The following SLC25A21 variants were observed in gnomAD, a reference collection of about 807,000 sequenced individuals.
SLC25A21 encodes mitochondrial 2-oxodicarboxylate carrier.
In SLC25A21, 47 loss-of-function variants were observed where a neutral mutation model predicts 43.8. That is an observed-to-expected ratio of 1.07 (90% confidence interval 0.85 to 1.37). SLC25A21 has a LOEUF of 1.37. SLC25A21 is among the 40% of genes most tolerant of loss of function. The pLI is 0.00. For missense variants in SLC25A21, 352 were observed against 350.2 expected, an observed-to-expected ratio of 1.00 and a Z score of -0.04; for synonymous variants, 131 against 121.3, an observed-to-expected ratio of 1.08 and a Z score of -0.52.
intron 1 of SLC25A21, among the ~76,000 whole-genome samples, chr14:37,043,910 T>G (rs1252981563): frequency 6.7e-6 from 1 of 149,628 alleles, no homozygotes; most frequent in East Asian, 2.0e-4. Flanking sequence ...ACATTTTTTG[T>G]TTTTTGTTTT....
At chr14:37,132,907 T>A (rs1305656730) in intron 1 of SLC25A21, among the ~76,000 whole-genome samples, 1 of 151,910 alleles carries the variant, frequency 6.6e-6, no homozygotes, top group South Asian at 2.1e-4. Context: ...ATTTTTGTAT[T>A]TTTTTAGAGA....
Position 37,041,164 on chromosome 14 carries a change from T to C in SLC25A21, c.70+131117A>G, listed in dbSNP as rs927873441. Among the ~76,000 whole-genome samples the C allele has an allele frequency of 1.7e-4, 26 of 152,176 alleles. 1 individual carries two copies. Among genetic ancestry groups the C allele is most frequent in the African/African-American group, 5.8e-4 (24 of 41,440 alleles). On this transcript the variant is annotated intron_variant, in intron 1 of 9. Coordinates refer to ENST00000331299, the MANE Select transcript of SLC25A21 (RefSeq NM_030631.4). ...TAGCTCATATATCTTATCATATATT[T>C]AATTTTACTCCTTAATTTGTTTGCA...
chr14:36,885,465 A>C (rs1015246817), intron 1 of SLC25A21, among the ~76,000 whole-genome samples: 1 of 152,172 alleles, frequency 6.6e-6, no homozygotes, highest in Non-Finnish European at 1.5e-5. Context: ...GTTCCACACA[A>C]AGTTTAGAAT....
chr14:36,680,897 A>T (rs1205450899), intron 9 of SLC25A21, among the ~76,000 whole-genome samples, 178 bp from the exon 10 acceptor site: 1 of 152,200 alleles, frequency 6.6e-6, no homozygotes, highest in Non-Finnish European at 1.5e-5. Context: ...CTCAGGATAA[A>T]ATCAAGACCA....
chr14:36,799,391 A>G (rs1887787686), intron 3 of SLC25A21, among the ~76,000 whole-genome samples: 1 of 152,172 alleles, frequency 6.6e-6, no homozygotes, highest in South Asian at 2.1e-4. Context: ...GAAAGATGGA[A>G]CATTCTATTC....
intron 1 of SLC25A21, among the ~76,000 whole-genome samples, chr14:37,165,374 C>T (rs1964013806): frequency 6.7e-6 from 1 of 149,234 alleles, no homozygotes; most frequent in African/African-American, 2.5e-5. Context: ...GAGACTCCGT[C>T]TCAAAAAAAA....
intron 3 of SLC25A21, among the ~76,000 whole-genome samples, chr14:36,788,141 C>T (rs1887317467): frequency 6.6e-6 from 1 of 152,102 alleles, no homozygotes; most frequent in Non-Finnish European, 1.5e-5. Flanking sequence ...TACAGCATTG[C>T]TTTATTTTCT....
At chr14:36,698,212 T>C (rs916476919) in intron 7 of SLC25A21, among the ~76,000 whole-genome samples, 2 of 152,200 alleles carry the variant, frequency 1.3e-5, no homozygotes, top group Non-Finnish European at 2.9e-5. Flanking sequence ...GGTTGAAAAC[T>C]CCTTTCTTTA....
At chr14:36,784,246 A>T (rs888622031) in intron 3 of SLC25A21, among the ~76,000 whole-genome samples, 18 of 152,246 alleles carry the variant, frequency 1.2e-4, no homozygotes, top group African/African-American at 3.6e-4. Flanking sequence ...TCCATTGACT[A>T]TTAGCACAAG....
At chr14:36,756,788 C>T (rs897392373) in intron 3 of SLC25A21, among the ~76,000 whole-genome samples, 3 of 152,148 alleles carry the variant, frequency 2.0e-5, no homozygotes, top group Non-Finnish European at 4.4e-5. Context: ...AAAAGCAATA[C>T]ATATTCAAGA....
At chr14:37,014,265 C>T (rs1276328647) in intron 1 of SLC25A21, among the ~76,000 whole-genome samples, 4 of 152,106 alleles carry the variant, frequency 2.6e-5, no homozygotes, top group Non-Finnish European at 5.9e-5. Context: ...GACCATTTTC[C>T]CCAGAGTAGA....
At chr14:36,839,700 C>CA in intron 2 of SLC25A21, among the ~76,000 whole-genome samples, 1 of 152,278 alleles carries the variant, frequency 6.6e-6, no homozygotes, top group East Asian at 1.9e-4. Context: ...TGAAATGCAT[C>CA]AATAGGCAAT....
intron 1 of SLC25A21, among the ~76,000 whole-genome samples, chr14:37,038,195 A>G (rs994043915): frequency 2.0e-5 from 3 of 152,172 alleles, no homozygotes; most frequent in African/African-American, 7.2e-5. Context: ...AACAGATCTT[A>G]AATGACACTC....
At chr14:37,140,741 G>A (rs1363215231) in intron 1 of SLC25A21, among the ~76,000 whole-genome samples, 1 of 152,158 alleles carries the variant, frequency 6.6e-6, no homozygotes, top group East Asian at 1.9e-4. Context: ...AAAATATGTG[G>A]TATGTTGAAA....
At chr14:36,831,528 T>C (rs1555331084) in intron 2 of SLC25A21, among the ~76,000 whole-genome samples, 2 of 152,206 alleles carry the variant, frequency 1.3e-5, no homozygotes, top group Non-Finnish European at 2.9e-5. Context: ...TCAGGGTATA[T>C]GGGGAGACTT....
chr14:37,068,214 T>G (rs1594777927), intron 1 of SLC25A21, among the ~76,000 whole-genome samples: 2 of 152,246 alleles, frequency 1.3e-5, no homozygotes, highest in Admixed American at 1.3e-4. Context: ...AAGGTCATTC[T>G]GGCAGCCACA....
intron 1 of SLC25A21, among the ~76,000 whole-genome samples, chr14:36,879,756 C>T (rs1042974875): frequency 6.6e-6 from 1 of 151,980 alleles, no homozygotes; most frequent in Non-Finnish European, 1.5e-5. Flanking sequence ...AACCACAAAA[C>T]TTGACTGATC....
intron 1 of SLC25A21, among the ~76,000 whole-genome samples, chr14:37,122,187 C>T (rs1963221260): frequency 6.6e-6 from 1 of 152,198 alleles, no homozygotes; most frequent in African/African-American, 2.4e-5. Context: ...CTACCAAACA[C>T]ACTTTGGAAA....
intron 1 of SLC25A21, among the ~76,000 whole-genome samples, chr14:37,107,861 A>C (rs1181188905): frequency 2.0e-5 from 3 of 152,136 alleles, no homozygotes; most frequent in East Asian, 3.9e-4. Flanking sequence ...AGCATGTGAA[A>C]ATCAGTTGTG....
Sources: gnomAD v4.1 joint callset for allele counts (sites outside exome capture counted in the v4.1 genomes callset) on GRCh38, gnomAD v4.1.1 for gene constraint, MANE v1.5 for transcripts, NCBI Gene and HGNC (gene_info 2026-07-23, HGNC 2026-07-21) for gene names.